Variants in DEDD observed in about 807,000 individuals in gnomAD.
The protein encoded by DEDD is death effector domain-containing protein.
Under a neutral mutation model 29.2 loss-of-function variants are expected in DEDD, and 3 were observed. The observed-to-expected ratio is 0.10, with a 90% CI of 0.05 to 0.27. DEDD has a LOEUF of 0.27. Among genes scored for constraint, DEDD ranks in the 10% least tolerant of loss-of-function variants. The pLI, the probability that DEDD is intolerant of heterozygous loss-of-function variation, is 1.00. For synonymous variants in DEDD, 152 were observed against 161.3 expected (o/e 0.94, Z 0.44); for missense variants, 261 against 420.5 (o/e 0.62, Z 3.32).
chr1:161,126,754 A>G (rs1656221951), intron 2 of DEDD, among the ~76,000 whole-genome samples: 2 of 152,154 alleles, frequency 1.3e-5, no homozygotes, highest in South Asian at 2.1e-4. Flanking sequence ...CAGTTTGTTT[A>G]TAGTTCACAT....
In DEDD at chr1:161,121,164, C is replaced by T. The variant is rs1655450969; in HGVS notation, c.*983G>A. 3 of 1,050,474 alleles carry T rather than the reference C, an allele frequency of 2.9e-6. No individual in the cohort carries two copies. Among genetic ancestry groups the T allele is most frequent in the Admixed American group, 5.0e-5 (1 of 19,948 alleles). 65.1% of individuals were successfully genotyped at this position (1,050,474 alleles called of 1,614,324 possible). A position where few individuals can be genotyped will look rare whatever the true frequency, so the allele number is the denominator to read the frequency against. On this transcript the variant is annotated 3_prime_UTR_variant, in exon 6 of 6. Transcript: ENST00000368006. ...TAGACCTCCTGGCTCATTCAACATG[C>T]CTCCCTACCTAAATAAAAGTGCAAC... is the stretch of plus-strand genomic sequence containing the variant.
rs1389845545 is a variant in DEDD, at chr1:161,121,624, G to A, written c.*523C>T. The A allele has an allele frequency of 1.3e-5, 2 of 155,670 alleles. No individual in the cohort carries two copies. The highest frequency in any genetic ancestry group is 4.8e-5 in the African/African-American group (2 of 41,456). The allele number at this position is 155,670 out of a possible 1,614,324, so 9.6% of individuals were successfully genotyped here. On this transcript the variant is annotated 3_prime_UTR_variant, in exon 6 of 6. Transcript: ENST00000368006. The stretch of plus-strand genomic sequence containing the variant: ...AGAGAGGAGCAGCACCAGAGGCCAG[G>A]AGAGAGTGGAAAGGGCCACAGCTTG...
intron 2 of DEDD, chr1:161,125,337 A>C (rs1328119686): frequency 6.6e-6 from 1 of 152,182 alleles, no homozygotes; most frequent in African/African-American, 2.4e-5. Context: ...TCATCCCTCC[A>C]CATTTTTCCT....
intron 2 of DEDD, among the ~76,000 whole-genome samples, chr1:161,130,157 A>C (rs1656547488): frequency 6.6e-6 from 1 of 152,240 alleles, no homozygotes; most frequent in Non-Finnish European, 1.5e-5. Context: ...TGAAAATGAC[A>C]GTCATCTTTT....
chr1:161,123,998 C>T (rs775831357), intron 3 of DEDD, 52 bp from the exon 4 acceptor site: 2 of 1,598,738 alleles, frequency 1.3e-6, no homozygotes, highest in South Asian at 2.3e-5. Flanking sequence ...TCCCTTCTGT[C>T]AGTCCAAACC....
intron 4 of DEDD, 87 bp downstream of exon 4, chr1:161,123,752 C>G (rs1655831896): frequency 8.2e-7 from 1 of 1,214,204 alleles, no homozygotes; most frequent in Non-Finnish European, 1.2e-6. Flanking sequence ...AGCATCCTTT[C>G]ATTTAAGCTG....
intron 2 of DEDD, among the ~76,000 whole-genome samples, chr1:161,129,099 G>A (rs1656415041): frequency 6.6e-6 from 1 of 152,226 alleles, no homozygotes; most frequent in Admixed American, 6.5e-5. Context: ...GGAACTGGAT[G>A]AGCAGCAAAT....
Position 161,124,264 on chromosome 1 carries a change from A to C in DEDD, c.199T>G (p.Phe67Val). ...ERGLIRNGRDFLLALERQGRC... is the reference protein window; with the variant it reads ...ERGLIRNGRDVLLALERQGRC... ...CCCTGGCGCTCCAGTGCCAATAAGA[A>C]GTCACGTCCATTTCGGATGAGTCCA... The change falls in exon 3 of 6, where the codon TTC (phenylalanine) becomes GTC (valine). Residue 67 changes from phenylalanine to valine, a missense_variant. Phe to Val is a conservative substitution (Grantham distance 50). This residue lies in a region of DEDD where 203 missense variants were observed against 268.7 expected (regional missense o/e 0.76). Coordinates refer to ENST00000368006, the MANE Select transcript of DEDD (RefSeq NM_032998.3). The C allele has an allele frequency of 6.2e-7, 1 of 1,614,232 alleles. No homozygotes were observed. The highest frequency in any genetic ancestry group is 1.1e-5 in the South Asian group (1 of 91,082).
chr1:161,128,130 G>A lies in DEDD; in HGVS notation c.-65+2685C>T, dbSNP rs543966188. ...GCCACCTTTAAGTCCTAGATCCCAG[G>A]CTAGATCATCAATGTACTAGGAATT... On this transcript the variant is annotated intron_variant, in intron 2 of 5. Transcript: ENST00000368006. 2.9e-4 allele frequency among the ~76,000 whole-genome samples: 44 copies of A among 152,248 alleles called. 1 individual carries two copies. In the South Asian group the frequency reaches 8.7e-3, roughly 30 times the overall value.
chr1:161,132,506 C>CCCGCTCGACTCCCTCTCCCCACT (rs1278490029), intron 1 of DEDD, 45 bp downstream of exon 1: 1 of 154,658 alleles, frequency 6.5e-6, no homozygotes, highest in East Asian at 1.9e-4. Flanking sequence ...CCCGCCCCGT[C>CCCGCTCGACTCCCTCTCCCCACT]CCGCTCGACT....
In DEDD at chr1:161,121,061, T is replaced by C. The variant is rs1048709506; in HGVS notation, c.*1086A>G. 1 of 1,237,472 alleles carries C rather than the reference T, an allele frequency of 8.1e-7. No homozygotes were observed. The highest frequency in any genetic ancestry group is 1.5e-5 in the African/African-American group (1 of 64,978). The allele number at this position is 1,237,472 out of a possible 1,614,324, so 76.7% of individuals were successfully genotyped here. A position where few individuals can be genotyped will look rare whatever the true frequency, so the allele number is the denominator to read the frequency against. The stretch of plus-strand genomic sequence containing the variant: ...CTGGCATTGAAAAATATAATAATCA[T>C]AAAGTCTGTGTCTGGACATCGCCTT... On this transcript the variant is annotated 3_prime_UTR_variant, in exon 6 of 6. Transcript: ENST00000368006.
At chr1:161,123,992 T>G (rs1655867938) in intron 3 of DEDD, 46 bp from the exon 4 acceptor site, 3 of 1,602,844 alleles carry the variant, frequency 1.9e-6, no homozygotes, top group Non-Finnish European at 2.6e-6. Flanking sequence ...CACCCTTCCC[T>G]TCTGTCAGTC....
At chr1:161,129,682 G>T (rs897559567) in intron 2 of DEDD, among the ~76,000 whole-genome samples, 1 of 152,062 alleles carries the variant, frequency 6.6e-6, no homozygotes, top group Admixed American at 6.6e-5. Flanking sequence ...AACATACAGA[G>T]ATTCTAGATG....
At chr1:161,129,529 G>A (rs1248434912) in intron 2 of DEDD, among the ~76,000 whole-genome samples, 3 of 141,662 alleles carry the variant, frequency 2.1e-5, no homozygotes, top group Non-Finnish European at 4.5e-5. Context: ...TACAGAGTGA[G>A]ACCTTGCCTC....
intron 2 of DEDD, among the ~76,000 whole-genome samples, chr1:161,126,558 G>A (rs1162168346): frequency 2.6e-5 from 4 of 151,792 alleles, no homozygotes; most frequent in Non-Finnish European, 5.9e-5. Flanking sequence ...TGGCCAGACT[G>A]GTCTCGAACT....
intron 2 of DEDD, among the ~76,000 whole-genome samples, chr1:161,126,816 GC>G (rs1656227554): frequency 6.6e-6 from 1 of 151,862 alleles, no homozygotes; most frequent in Non-Finnish European, 1.5e-5. Flanking sequence ...TTGCCTGAAT[GC>G]CCCTCTCCCT....
chr1:161,121,151 C>G lies in DEDD; in HGVS notation c.*996G>C. The G allele has an allele frequency of 9.4e-7, 1 of 1,063,784 alleles. No homozygotes were observed. 65.9% of individuals were successfully genotyped at this position (1,063,784 alleles called of 1,614,324 possible). The stretch of plus-strand genomic sequence containing the variant: ...TAAGCTCCAGTTCTAGACCTCCTGG[C>G]TCATTCAACATGCCTCCCTACCTAA... On this transcript the variant is annotated 3_prime_UTR_variant, in exon 6 of 6. Coordinates refer to ENST00000368006, the MANE Select transcript of DEDD (RefSeq NM_032998.3).
chr1:161,128,444 T>C (rs576434927), intron 2 of DEDD, among the ~76,000 whole-genome samples: 107 of 151,994 alleles, frequency 7.0e-4, no homozygotes, highest in Non-Finnish European at 1.4e-3. Context: ...CTATGCAAAA[T>C]ATAAAAATTA....
Position 161,124,538 on chromosome 1 carries a change from G to A in DEDD, c.-64-12C>T. On this transcript the variant is annotated splice_polypyrimidine_tract_variant and intron_variant, in intron 2 of 5. Coordinates refer to ENST00000368006, the MANE Select transcript of DEDD (RefSeq NM_032998.3). ...CAATCCCCACCGTACTGAAAGGGCA[G>A]GGAAAGAACCGATGAGACACTCAAG... 1 of 1,534,016 alleles carries A rather than the reference G, an allele frequency of 6.5e-7. No homozygotes were observed. Among genetic ancestry groups the A allele is most frequent in the Non-Finnish European group, 8.8e-7 (1 of 1,139,928 alleles).
Sources: gnomAD v4.1 joint callset for allele counts (sites outside exome capture counted in the v4.1 genomes callset) on GRCh38, gnomAD v4.1.1 for gene constraint, gnomAD v4.1.1 regional missense constraint, MANE v1.5 for transcripts, NCBI Gene and HGNC (gene_info 2026-07-23, HGNC 2026-07-21) for gene names.